The following KCNAB1 variants were observed in gnomAD, a reference collection of about 807,000 sequenced individuals.
KCNAB1 encodes potassium voltage-gated channel subfamily A regulatory beta subunit 1.
KCNAB1 carries 35 observed loss-of-function variants against 64.6 expected under a neutral mutation model. The ratio of observed to expected loss-of-function variants is 0.54; its 90% confidence interval spans 0.41 to 0.72. The LOEUF (loss-of-function observed/expected upper bound fraction) is 0.72, where lower values mean the gene tolerates loss of function less well. Among genes scored for constraint, KCNAB1 ranks in the 30% least tolerant of loss-of-function variants. The probability of loss-of-function intolerance (pLI) is 0.00; values close to 1 mark genes in which losing one functional copy is unlikely to be tolerated. For missense variants in KCNAB1, 401 were observed against 512.9 expected, an observed-to-expected ratio of 0.78 and a Z score of 2.11; for synonymous variants, 177 against 183.8, an observed-to-expected ratio of 0.96 and a Z score of 0.30.
At chr3:156,132,029 A>G (rs528843413) in intron 1 of KCNAB1, among the ~76,000 whole-genome samples, 3 of 152,206 alleles carry the variant, frequency 2.0e-5, no homozygotes, top group Admixed American at 6.5e-5. Flanking sequence ...TGGGAATTGT[A>G]GTTATAAATG....
At position 156,452,364 on chromosome 3, in the gene KCNAB1, G is replaced by T. The variant is rs1712072121; in HGVS notation, c.320-535G>T. Reference sequence around the variant, plus strand: ...GGAGATTTCCATTCTGGAATGGCAGGTTATGACAGAGAAGGCACATAAGTG... The same window carrying T: ...GGAGATTTCCATTCTGGAATGGCAGTTTATGACAGAGAAGGCACATAAGTG... On this transcript the variant is annotated intron_variant, in intron 2 of 13. Transcript: ENST00000490337. The surrounding 1 kb of genome is among the most constrained non-coding windows in gnomAD (Gnocchi z 4.6). 6.6e-6 allele frequency among the ~76,000 whole-genome samples: 1 copy of T among 152,218 alleles called. No homozygotes were observed. The highest frequency in any genetic ancestry group is 1.5e-5 in the Non-Finnish European group (1 of 68,040).
chr3:156,438,826 C>T (rs1281137366), intron 2 of KCNAB1, among the ~76,000 whole-genome samples: 6 of 152,068 alleles, frequency 3.9e-5, no homozygotes, highest in Admixed American at 3.9e-4. Context: ...CCAGCCTGAC[C>T]AACAAGGTGA....
intron 8 of KCNAB1, among the ~76,000 whole-genome samples, chr3:156,499,535 G>A (rs915413946): frequency 6.6e-6 from 1 of 152,132 alleles, no homozygotes; most frequent in East Asian, 1.9e-4. Context: ...AACCCTCTAT[G>A]TGCATCAAAT....
chr3:156,212,043 T>C (rs1343174608), intron 1 of KCNAB1, among the ~76,000 whole-genome samples: 1 of 152,184 alleles, frequency 6.6e-6, no homozygotes, highest in Non-Finnish European at 1.5e-5. Context: ...ATGAGCTCTT[T>C]ACTGGGGTGC....
At chr3:156,416,663 A>G (rs1166611934) in intron 1 of KCNAB1, among the ~76,000 whole-genome samples, 1 of 152,204 alleles carries the variant, frequency 6.6e-6, no homozygotes, top group Non-Finnish European at 1.5e-5. Context: ...GCTGCACGAG[A>G]GCAGCAACTA....
rs111857556 is a variant in KCNAB1 at position 156,143,274 on chromosome 3, A to C, written c.275+22388A>C. ...CGGCTCTAAAATGTAGATGGCACCTAGCAGTGACCAAGACTCAGCCTCAGG... is the reference window on the plus strand; with the variant it reads ...CGGCTCTAAAATGTAGATGGCACCTCGCAGTGACCAAGACTCAGCCTCAGG... On this transcript the variant is annotated intron_variant, in intron 1 of 13. Transcript: ENST00000490337. 70 of 1,614,020 alleles carry C rather than the reference A, an allele frequency of 4.3e-5. 1 individual carries two copies. In the African/African-American group the frequency reaches 6.8e-4, roughly 16 times the overall value.
intron 1 of KCNAB1, among the ~76,000 whole-genome samples, chr3:156,201,644 C>G (rs1248752353): frequency 6.6e-6 from 1 of 152,222 alleles, no homozygotes; most frequent in Non-Finnish European, 1.5e-5. Context: ...ATGACAATGA[C>G]ATTGCGGCAG....
intron 1 of KCNAB1, among the ~76,000 whole-genome samples, chr3:156,193,592 A>C (rs756641311): frequency 9.9e-4 from 151 of 152,214 alleles, no homozygotes; most frequent in Non-Finnish European, 2.0e-3. Context: ...ATCATGGCAA[A>C]AGGGGAAGCA....
chr3:156,126,099 T>A (rs1023948734), intron 1 of KCNAB1, among the ~76,000 whole-genome samples: 3 of 151,930 alleles, frequency 2.0e-5, no homozygotes, highest in Non-Finnish European at 4.4e-5. Flanking sequence ...GGGAAGGCAA[T>A]CCATGTGTAG....
chr3:156,431,407 C>A (rs1716201015), intron 2 of KCNAB1, among the ~76,000 whole-genome samples: 1 of 152,012 alleles, frequency 6.6e-6, no homozygotes, highest in South Asian at 2.1e-4. Flanking sequence ...AATAGAGAAT[C>A]ATTTGAATCC....
chr3:156,278,582 A>G (rs1190814003), intron 1 of KCNAB1, among the ~76,000 whole-genome samples: 1 of 152,156 alleles, frequency 6.6e-6, no homozygotes, highest in Non-Finnish European at 1.5e-5. Context: ...TTAGATTTAA[A>G]TTGCCATAAA....
chr3:156,523,912 A>T lies in KCNAB1; in HGVS notation c.1046A>T (p.Glu349Val). The change falls in exon 12 of 14, where the codon GAG becomes GTG. Residue 349 changes from glutamate to valine, a missense_variant. Physicochemically the swap from Glu to Val is moderately radical, Grantham distance 121 (BLOSUM62 -2). Coordinates refer to ENST00000490337, the MANE Select transcript of KCNAB1 (RefSeq NM_172160.3). ...CTAAAAGACCTTTCCCCAATTGCGG[A>T]GCGTCTGGGATGCACACTACCTCAG... ...NKLKDLSPIA[E>V]RLGCTLPQLA... 1 of 1,614,116 alleles carries T rather than the reference A, an allele frequency of 6.2e-7. No individual in the cohort carries two copies. The highest frequency in any genetic ancestry group is 8.5e-7 in the Non-Finnish European group (1 of 1,179,968).
intron 1 of KCNAB1, among the ~76,000 whole-genome samples, chr3:156,210,798 T>C (rs1212175923): frequency 6.6e-6 from 1 of 152,222 alleles, no homozygotes; most frequent in African/African-American, 2.4e-5. Flanking sequence ...CTGGAAGCCA[T>C]GCTTCAGTGT....
chr3:156,177,630 G>A (rs1002014462), intron 1 of KCNAB1, among the ~76,000 whole-genome samples: 3 of 152,008 alleles, frequency 2.0e-5, no homozygotes, highest in African/African-American at 7.2e-5. Context: ...GCCCGCCTTG[G>A]CCTCCCAAAG....
intron 1 of KCNAB1, among the ~76,000 whole-genome samples, chr3:156,388,446 G>A (rs1712781616): frequency 6.6e-6 from 1 of 152,154 alleles, no homozygotes; most frequent in Non-Finnish European, 1.5e-5. Flanking sequence ...TCTTCTCCCA[G>A]TCTGGTCCTT....
intron 1 of KCNAB1, among the ~76,000 whole-genome samples, chr3:156,260,317 A>C (rs994610561): frequency 6.6e-6 from 1 of 152,180 alleles, no homozygotes; most frequent in Non-Finnish European, 1.5e-5. Flanking sequence ...ATAAATGTAC[A>C]ATTCAGTGAT....
intron 8 of KCNAB1, among the ~76,000 whole-genome samples, chr3:156,509,891 G>C (rs1392576239): frequency 2.6e-5 from 4 of 152,176 alleles, no homozygotes; most frequent in Admixed American, 1.3e-4. Flanking sequence ...TTTCAGCAAT[G>C]CTGCCCTCTA....
chr3:156,373,943 G>A (rs1016875978), intron 1 of KCNAB1, among the ~76,000 whole-genome samples: 2 of 152,222 alleles, frequency 1.3e-5, no homozygotes, highest in African/African-American at 2.4e-5. Context: ...GTGAAATGGG[G>A]TAGCTCATGA....
chr3:156,195,192 A>G (rs930429286), intron 1 of KCNAB1, among the ~76,000 whole-genome samples: 2 of 152,090 alleles, frequency 1.3e-5, no homozygotes, highest in Non-Finnish European at 2.9e-5. Context: ...TCATTGATGG[A>G]CATTTGAGTA....
Sources: gnomAD v4.1 joint callset for allele counts (sites outside exome capture counted in the v4.1 genomes callset) on GRCh38, gnomAD v4.1.1 for gene constraint, Gnocchi (gnomAD v3.1) non-coding constraint, MANE v1.5 for transcripts, NCBI Gene and HGNC (gene_info 2026-07-23, HGNC 2026-07-21) for gene names.